Variants in THOP1 observed in about 807,000 individuals in gnomAD.
THOP1 encodes the protein thimet oligopeptidase 1.
THOP1 carries 49 observed loss-of-function variants against 71.8 expected under a neutral mutation model. The observed-to-expected ratio is 0.68, with a 90% CI of 0.54 to 0.87. The LOEUF (loss-of-function observed/expected upper bound fraction) is 0.87, where lower values mean the gene tolerates loss of function less well. Ranked by LOEUF, THOP1 falls within the 40% of genes least tolerant of loss-of-function variation. The probability of loss-of-function intolerance (pLI) is 0.00; values close to 1 mark genes in which losing one functional copy is unlikely to be tolerated. For missense variants in THOP1, 843 were observed against 975.6 expected, an observed-to-expected ratio of 0.86 and a Z score of 1.81; for synonymous variants, 426 against 421.5, an observed-to-expected ratio of 1.01 and a Z score of -0.13.
chr19:2,813,028 C>G (rs1916520757), intron 12 of THOP1, 87 bp from the exon 13 acceptor site: 4 of 1,454,048 alleles, frequency 2.8e-6, no homozygotes, highest in Non-Finnish European at 2.7e-6. Context: ...TCCGAGGCCC[C>G]CCTGGGCGAG....
intron 8 of THOP1, 127 bp from the exon 9 acceptor site, chr19:2,808,116 G>A: frequency 9.2e-7 from 1 of 1,092,516 alleles, no homozygotes; most frequent in Admixed American, 2.7e-5. Context: ...CTGCTGAGAG[G>A]GAGGTTTAGA....
In THOP1 at chr19:2,796,082, A is replaced by G; in HGVS notation, c.380A>G (p.Glu127Gly). The G allele has an allele frequency of 6.2e-7, 1 of 1,613,110 alleles. No individual in the cohort carries two copies. Among genetic ancestry groups the G allele is most frequent in the South Asian group, 1.1e-5 (1 of 91,068 alleles). Residue 127 changes from glutamate (E) to glycine (G), a missense_variant and splice_region_variant, in exon 4 of 13, where the codon GAG becomes GGG. Physicochemically the swap from Glu to Gly is moderately conservative, Grantham distance 98. Transcript: ENST00000307741. ...DVYQRIVWLQ[E>G]KVQKDSLRPE... The stretch of plus-strand genomic sequence containing the variant: ...CATGCTTTGATGTTTTTATTCCAGG[A>G]GAAAGTTCAGAAGGACTCACTGAGG...
At chr19:2,809,761 T>A (rs2144783030) in intron 9 of THOP1, 1 of 154,942 alleles carries the variant, frequency 6.5e-6, no homozygotes, top group East Asian at 1.9e-4. Context: ...AGTCCCTTGG[T>A]GCATTCCGTC....
chr19:2,799,398 C>G (rs1916090757), intron 4 of THOP1, among the ~76,000 whole-genome samples: 2 of 152,214 alleles, frequency 1.3e-5, no homozygotes, highest in Admixed American at 6.5e-5. Context: ...CTGGAGCACT[C>G]TTGGCCAGGG....
At chr19:2,806,827 A>G (rs1916303304) in intron 6 of THOP1, 90 bp from the exon 7 acceptor site, 21 of 1,596,198 alleles carry the variant, frequency 1.3e-5, no homozygotes, top group Non-Finnish European at 1.8e-5. Flanking sequence ...GGAGCTGGAT[A>G]TGAGCCTTTG....
At chr19:2,785,718 C>A in intron 1 of THOP1, 40 bp downstream of exon 1, 1 of 1,375,886 alleles carries the variant, frequency 7.3e-7, no homozygotes. Flanking sequence ...GCGTCCCCTG[C>A]ACCCTCGCTC....
At chr19:2,794,102 C>T (rs1915952508) in intron 2 of THOP1, among the ~76,000 whole-genome samples, 1 of 151,894 alleles carries the variant, frequency 6.6e-6, no homozygotes, top group Admixed American at 6.6e-5. Context: ...GCAACCTCCA[C>T]CTCCCGGGTT....
At chr19:2,803,727 C>G (rs1335795737) in intron 5 of THOP1, among the ~76,000 whole-genome samples, 1 of 152,204 alleles carries the variant, frequency 6.6e-6, no homozygotes, top group Non-Finnish European at 1.5e-5. Flanking sequence ...ATTGCCAGGC[C>G]CACGCTGGTG....
chr19:2,790,629 C>T lies in THOP1; in HGVS notation c.225C>T (p.Tyr75=). ...LKALADVEVT[Y]TVQRNILDFP... ...CGCTGGCCGATGTGGAGGTCACCTACACAGGTAAGTCCCAGGCAGGGTCTG... is the reference window on the plus strand; with the variant it reads ...CGCTGGCCGATGTGGAGGTCACCTATACAGGTAAGTCCCAGGCAGGGTCTG... Residue 75 remains tyrosine, a synonymous_variant, in exon 2 of 13, where the codon TAC becomes TAT. Transcript: ENST00000307741. 1.9e-6 allele frequency: 3 copies of T among 1,557,478 alleles called. No homozygotes were observed. The highest frequency in any genetic ancestry group is 2.6e-6 in the Non-Finnish European group (3 of 1,153,570).
chr19:2,792,216 C>T (rs908363886), intron 2 of THOP1, among the ~76,000 whole-genome samples: 1 of 152,220 alleles, frequency 6.6e-6, no homozygotes, highest in South Asian at 2.1e-4. Context: ...CCAGAGCCCC[C>T]ACTACAGGCT....
intron 9 of THOP1, 47 bp downstream of exon 9, chr19:2,808,491 G>T: frequency 6.6e-7 from 1 of 1,521,128 alleles, no homozygotes; most frequent in South Asian, 1.3e-5. Flanking sequence ...AGGGGCAGGG[G>T]CTGCCTGTGG....
chr19:2,809,240 C>G (rs532762606), intron 9 of THOP1, among the ~76,000 whole-genome samples: 2 of 152,298 alleles, frequency 1.3e-5, no homozygotes, highest in East Asian at 3.9e-4. Flanking sequence ...ACGTTGAACA[C>G]ATGGCTGGTG....
At chr19:2,812,591 G>T (rs1916506598) in intron 12 of THOP1, among the ~76,000 whole-genome samples, 1 of 152,182 alleles carries the variant, frequency 6.6e-6, no homozygotes, top group South Asian at 2.1e-4. Flanking sequence ...AGTCCCCCGG[G>T]TGGGAGCTGG....
rs1416133936 is a variant in THOP1 at position 2,813,385 on chromosome 19, G to A, written c.*109G>A. On this transcript the variant is annotated 3_prime_UTR_variant, in exon 13 of 13. Transcript: ENST00000307741. ...TGGCACAGTGCCTGGGACTGGCAGG[G>A]TGGCTGAGCGGCTGTCTTGCCTCTT... 16 of 1,330,910 alleles carry A rather than the reference G, an allele frequency of 1.2e-5. No homozygotes were observed. In the South Asian group the frequency reaches 1.5e-4, roughly 12 times the overall value. 82.4% of individuals were successfully genotyped at this position (1,330,910 alleles called of 1,614,324 possible). A position where few individuals can be genotyped will look rare whatever the true frequency, so the allele number is the denominator to read the frequency against.
At position 2,799,792 on chromosome 19, in the gene THOP1, G is replaced by C; in HGVS notation, c.589+1G>C. On this transcript the variant is annotated splice_donor_variant, in intron 5 of 12. Coordinates refer to ENST00000307741, the MANE Select transcript of THOP1 (RefSeq NM_003249.5). LOFTEE classifies it high-confidence loss of function. ...CTGCCCTTCACGCTCCAGGAGCTAGGTAGGGGCCGAGCAGTGGGGCACGGG... is the reference window on the plus strand; with the variant it reads ...CTGCCCTTCACGCTCCAGGAGCTAGCTAGGGGCCGAGCAGTGGGGCACGGG... 6.2e-7 allele frequency: 1 copy of C among 1,613,512 alleles called. No homozygotes were observed. Among genetic ancestry groups the C allele is most frequent in the Non-Finnish European group, 8.5e-7 (1 of 1,179,798 alleles).
At chr19:2,789,751 G>A (rs1395917389) in intron 1 of THOP1, among the ~76,000 whole-genome samples, 1 of 151,858 alleles carries the variant, frequency 6.6e-6, no homozygotes, top group African/African-American at 2.4e-5. Context: ...AGGGCAGGGG[G>A]ATTTTTTTTT....
At chr19:2,810,561 C>A in intron 10 of THOP1, 71 bp downstream of exon 10, 1 of 1,525,098 alleles carries the variant, frequency 6.6e-7, no homozygotes. Context: ...TGGCATGTGC[C>A]CCGGGTGGGG....
intron 11 of THOP1, among the ~76,000 whole-genome samples, chr19:2,811,027 G>A (rs1916449734): frequency 2.0e-5 from 3 of 152,232 alleles, no homozygotes; most frequent in South Asian, 4.1e-4. Context: ...TGAAGCTGGC[G>A]TTTTCCTGAT....
chr19:2,806,709 AC>A, intron 6 of THOP1: 1 of 765,890 alleles, frequency 1.3e-6, no homozygotes, highest in South Asian at 2.0e-5. Flanking sequence ...AGTCATCTGC[AC>A]CCCTTCTGGT....
Sources: allele counts gnomAD v4.1 joint callset (sites outside exome capture counted in the v4.1 genomes callset), GRCh38; gene constraint gnomAD v4.1.1; transcripts MANE v1.5; gene names NCBI Gene and HGNC (gene_info 2026-07-23, HGNC 2026-07-21).